The following MME variants were observed in gnomAD, a reference collection of about 807,000 sequenced individuals.
The protein encoded by MME is membrane metalloendopeptidase, also known as neprilysin.
Under a neutral mutation model 113.2 loss-of-function variants are expected in MME, and 98 were observed. The observed-to-expected ratio is 0.87, with a 90% CI of 0.74 to 1.02. MME has a LOEUF of 1.02. MME is among the 50% of genes least tolerant of loss of function. The pLI, the probability that MME is intolerant of heterozygous loss-of-function variation, is 0.00. For missense variants in MME, 836 were observed against 896.0 expected, an observed-to-expected ratio of 0.93 and a Z score of 0.86; for synonymous variants, 292 against 300.6, an observed-to-expected ratio of 0.97 and a Z score of 0.30.
intron 3 of MME, among the ~76,000 whole-genome samples, chr3:155,093,630 G>A (rs1470738212): frequency 1.3e-5 from 2 of 152,134 alleles, no homozygotes; most frequent in African/African-American, 4.8e-5. Context: ...GGCCGAGGCA[G>A]GTGGCTCACG....
Position 155,135,636 on chromosome 3 carries a change from A to G in MME, c.721-2466A>G, listed in dbSNP as rs1430408132. ...CATTTGGGCTCTTTTTTGGTTTTAT[A>G]TGAATTTTAGAATTGTTTTTTCTAA... On this transcript the variant is annotated intron_variant, in intron 8 of 22. Transcript: ENST00000360490. Among the ~76,000 whole-genome samples, 2 of 152,146 alleles carry G rather than the reference A, an allele frequency of 1.3e-5. 1 individual carries two copies. The highest frequency in any genetic ancestry group is 2.9e-5 in the Non-Finnish European group (2 of 68,014).
chr3:155,158,439 C>G (rs1465495321), intron 16 of MME: 1 of 152,044 alleles, frequency 6.6e-6, no homozygotes, highest in Non-Finnish European at 1.5e-5. Context: ...TCAGAATTAC[C>G]TTTCAGAAGT....
chr3:155,116,378 A>C, intron 4 of MME, 101 bp from the exon 5 acceptor site: 1 of 890,390 alleles, frequency 1.1e-6, no homozygotes, highest in Non-Finnish European at 1.9e-6. Flanking sequence ...TTTTTAACTG[A>C]ACCCACTTTG....
chr3:155,148,918 A>G (rs1279523304), intron 16 of MME, among the ~76,000 whole-genome samples: 3 of 152,164 alleles, frequency 2.0e-5, no homozygotes, highest in East Asian at 1.9e-4. Flanking sequence ...TATCAGCTCA[A>G]TTTATTTGTG....
chr3:155,055,451 G>C (rs983294290), intron 1 of MME, among the ~76,000 whole-genome samples: 5 of 152,080 alleles, frequency 3.3e-5, no homozygotes, highest in African/African-American at 1.2e-4. Flanking sequence ...ATAAAAATTA[G>C]CCAGGCATAG....
chr3:155,153,816 A>T (rs189876974), intron 16 of MME, among the ~76,000 whole-genome samples: 2 of 152,202 alleles, frequency 1.3e-5, no homozygotes, highest in African/African-American at 4.8e-5. Context: ...TTGAGCAGCT[A>T]GCTTGTGCAG....
rs375206323 is a variant in MME, at chr3:155,028,766, G to T, written c.-11+4442G>T. On this transcript the variant is annotated intron_variant, in intron 1 of 22. Transcript: ENST00000492661. The stretch of plus-strand genomic sequence containing the variant: ...AATGTCAACCTAAAGTAATCAAAAG[G>T]GTCAGCATTTATTTTTAAAAAGAAT... Among the ~76,000 whole-genome samples the T allele has an allele frequency of 2.0e-5, 3 of 152,096 alleles. No homozygotes were observed. The East Asian group carries it at 5.8e-4, about 29-fold the overall frequency.
In MME at chr3:155,090,781, C is replaced by T. The variant is rs1716219807; in HGVS notation, c.196+5687C>T. On this transcript the variant is annotated intron_variant, in intron 3 of 22. Coordinates refer to ENST00000360490, the MANE Select transcript of MME (RefSeq NM_007289.4). ...GATATGGGGGAGACTACTGTACGCA[C>T]ATACTGATTTAATCAGATTTGTGTG... 2.6e-5 allele frequency among the ~76,000 whole-genome samples: 4 copies of T among 152,186 alleles called. No homozygotes were observed. In the South Asian group the frequency reaches 8.3e-4, roughly 32 times the overall value.
At chr3:155,104,822 A>G (rs1717556607) in intron 3 of MME, among the ~76,000 whole-genome samples, 3 of 152,212 alleles carry the variant, frequency 2.0e-5, no homozygotes, top group African/African-American at 7.2e-5. Flanking sequence ...TAACATTACA[A>G]TCAACAGCAG....
intron 6 of MME, 51 bp from the exon 7 acceptor site, chr3:155,116,817 C>A: frequency 6.5e-7 from 1 of 1,548,934 alleles, no homozygotes; most frequent in Non-Finnish European, 8.9e-7. Context: ...GTTATAATAT[C>A]ATTAGTGAAC....
chr3:155,109,803 A>G (rs933666000), intron 3 of MME, among the ~76,000 whole-genome samples: 1 of 152,200 alleles, frequency 6.6e-6, no homozygotes, highest in African/African-American at 2.4e-5. Context: ...AGGGTTGACA[A>G]GTACTGTCCT....
rs1403042622 is a variant in MME, at chr3:155,148,655, T to C, written c.1601+2T>C. ...CCGAGAAAAGGTGGACAAAGATGAGTGCGTATATTCTCATTTCTAATGTGA... is the reference window on the plus strand; with the variant it reads ...CCGAGAAAAGGTGGACAAAGATGAGCGCGTATATTCTCATTTCTAATGTGA... On this transcript the variant is annotated splice_donor_variant, in intron 16 of 22. Transcript: ENST00000360490. LOFTEE classifies it high-confidence loss of function. 4 of 1,599,792 alleles carry C rather than the reference T, an allele frequency of 2.5e-6. No individual in the cohort carries two copies. Among genetic ancestry groups the C allele is most frequent in the Non-Finnish European group, 3.4e-6 (4 of 1,167,380 alleles).
chr3:155,171,003 A>G (rs547128023), intron 20 of MME, among the ~76,000 whole-genome samples: 1 of 152,308 alleles, frequency 6.6e-6, no homozygotes, highest in African/African-American at 2.4e-5. Flanking sequence ...AGTCCCTATC[A>G]TTCCATCTTG....
chr3:155,105,243 G>A (rs1717590393), intron 3 of MME, among the ~76,000 whole-genome samples: 1 of 152,110 alleles, frequency 6.6e-6, no homozygotes, highest in African/African-American at 2.4e-5. Context: ...TCCAAATGAG[G>A]TGGAAAAATT....
rs114732463 is a variant in MME, at chr3:155,168,034, T to C, written c.1781-458T>C. 4.2e-3 allele frequency among the ~76,000 whole-genome samples: 638 copies of C among 152,230 alleles called. 1 individual carries two copies. The highest frequency in any genetic ancestry group is 6.7e-3 in the Non-Finnish European group (454 of 68,014). ...TAGTTTGTGGTTGGCAAGGAAGCTG[T>C]AGGAGAAAAAGACTTTTTTTGTGTG... On this transcript the variant is annotated intron_variant, in intron 18 of 22. Transcript: ENST00000360490.
At chr3:155,085,034 T>A (rs1395882020) in intron 2 of MME, 25 bp from the exon 3 acceptor site, 2 of 1,520,018 alleles carry the variant, frequency 1.3e-6, no homozygotes, top group African/African-American at 2.8e-5. Flanking sequence ...TGCCAATATT[T>A]ATGTATATTC....
At chr3:155,038,099 G>C (rs900704031) in intron 1 of MME, among the ~76,000 whole-genome samples, 3 of 152,064 alleles carry the variant, frequency 2.0e-5, no homozygotes, top group Admixed American at 1.3e-4. Flanking sequence ...TTGCTACCTA[G>C]TGCCATATGT....
At chr3:155,156,154 A>G (rs1395914356) in intron 16 of MME, among the ~76,000 whole-genome samples, 1 of 152,174 alleles carries the variant, frequency 6.6e-6, no homozygotes, top group Non-Finnish European at 1.5e-5. Context: ...CATTGGGAAG[A>G]GCCTGTGCTG....
chr3:155,113,455 T>C (rs185047499), intron 3 of MME, among the ~76,000 whole-genome samples: 1 of 152,186 alleles, frequency 6.6e-6, no homozygotes, highest in East Asian at 1.9e-4. Flanking sequence ...AATTTTTGTA[T>C]TTTTAGTAGA....
Sources: allele counts gnomAD v4.1 joint callset (sites outside exome capture counted in the v4.1 genomes callset), GRCh38; gene constraint gnomAD v4.1.1; transcripts MANE v1.5; gene names NCBI Gene and HGNC (gene_info 2026-07-23, HGNC 2026-07-21).